The following ACD variants were observed in gnomAD, a reference collection of about 807,000 sequenced individuals.
ACD encodes the protein ACD shelterin complex subunit and telomerase recruitment factor.
In ACD, 39 loss-of-function variants were observed where a neutral mutation model predicts 53.9. The ratio of observed to expected loss-of-function variants is 0.72; its 90% confidence interval spans 0.56 to 0.95. ACD has a LOEUF of 0.95. Among genes scored for constraint, ACD ranks in the 40% least tolerant of loss-of-function variants. The pLI, the probability that ACD is intolerant of heterozygous loss-of-function variation, is 0.00. For missense variants in ACD, 526 were observed against 587.9 expected (o/e 0.89, Z 1.09); for synonymous variants, 273 against 249.2 (o/e 1.10, Z -0.90).
Position 67,658,569 on chromosome 16 carries a change from G to A in ACD, c.815C>T (p.Ser272Leu). 1.3e-6 allele frequency: 2 copies of A among 1,567,666 alleles called. No individual in the cohort carries two copies. The highest frequency in any genetic ancestry group is 1.7e-6 in the Non-Finnish European group (2 of 1,155,308). Residue 272 changes from serine (S) to leucine (L), a missense_variant, in exon 9 of 12, where the codon TCA becomes TTA. Coordinates refer to ENST00000620761, the MANE Select transcript of ACD (RefSeq NM_001082486.2). ...SLTLIASPPS[S>L]PSSSGTPALP... is the part of the protein sequence containing the mutation. ...CATCACCTCACCTGAGGAACTGGGT[G>A]AGGAAGGAGGAGAGGCTATGAGGGT...
intron 5 of ACD, 47 bp downstream of exon 5, chr16:67,659,328 C>A (rs751391813): frequency 6.2e-7 from 1 of 1,614,080 alleles, no homozygotes; most frequent in South Asian, 1.1e-5. Context: ...GATACACCAT[C>A]CCCTCACCAA....
At position 67,659,923 on chromosome 16, in the gene ACD, C is replaced by A; in HGVS notation, c.222G>T (p.Glu74Asp). ...THSVRCLVTR[E>D]ALDTSDWEEK... Reference sequence around the variant, plus strand: ...CTCACCAGTCCGAGGTGTCCAGGGCCTCCCGCGTCACCAGGCATCGGACAC... The same window carrying A: ...CTCACCAGTCCGAGGTGTCCAGGGCATCCCGCGTCACCAGGCATCGGACAC... Residue 74 changes from glutamate (E) to aspartate (D), a missense_variant, in exon 2 of 12, where the codon GAG (glutamate) becomes GAT (aspartate). Physicochemically the swap from Glu to Asp is conservative, Grantham distance 45. Transcript: ENST00000620761. The A allele has an allele frequency of 6.2e-7, 1 of 1,603,494 alleles. No homozygotes were observed. The highest frequency in any genetic ancestry group is 1.1e-5 in the South Asian group (1 of 90,482).
chr16:67,657,553 TAAA>T lies in ACD; in HGVS notation c.*50_*52del. On this transcript the variant is annotated 3_prime_UTR_variant, in exon 12 of 12. Transcript: ENST00000620761. This position sits in a 1 kb window ranked among gnomAD's most constrained non-coding sequence, Gnocchi z 4.5. ...CTCCTGCCGCATGAGATTATTTTATTAAAAAACTCAAAGGAAGCAGAGTGTGGA... is the reference window on the plus strand; with the variant it reads ...CTCCTGCCGCATGAGATTATTTTATTAAACTCAAAGGAAGCAGAGTGTGGA... 14 of 1,613,740 alleles carry T rather than the reference TAAA, an allele frequency of 8.7e-6. No homozygotes were observed. The highest frequency in any genetic ancestry group is 1.2e-5 in the Non-Finnish European group (14 of 1,179,744).
In ACD at chr16:67,659,798, G is replaced by C. The variant is rs1438666863; in HGVS notation, c.243-3C>G. On this transcript the variant is annotated splice_region_variant and splice_polypyrimidine_tract_variant and intron_variant, in intron 2 of 11. Transcript: ENST00000620761. Reference sequence around the variant, plus strand: ...GGAAGCCGAACTCCTTCTCCTCCCTGCAACAAGCAGGATCCTCACTGCCGG... The same window carrying C: ...GGAAGCCGAACTCCTTCTCCTCCCTCCAACAAGCAGGATCCTCACTGCCGG... The C allele has an allele frequency of 6.2e-7, 1 of 1,603,038 alleles. No homozygotes were observed. Among genetic ancestry groups the C allele is most frequent in the Non-Finnish European group, 8.5e-7 (1 of 1,172,446 alleles).
At position 67,659,798 on chromosome 16, in the gene ACD, G is replaced by A. The variant is rs1438666863; in HGVS notation, c.243-3C>T. 6.2e-6 allele frequency: 10 copies of A among 1,603,038 alleles called. No homozygotes were observed. Among genetic ancestry groups the A allele is most frequent in the Non-Finnish European group, 8.5e-6 (10 of 1,172,446 alleles). On this transcript the variant is annotated splice_region_variant and splice_polypyrimidine_tract_variant and intron_variant, in intron 2 of 11. Coordinates refer to ENST00000620761, the MANE Select transcript of ACD (RefSeq NM_001082486.2). ...GGAAGCCGAACTCCTTCTCCTCCCT[G>A]CAACAAGCAGGATCCTCACTGCCGG...
In ACD at chr16:67,659,231, G is replaced by A. The variant is rs377289629; in HGVS notation, c.491C>T (p.Ala164Val). The change falls in exon 6 of 12, where the codon GCA becomes GTA. Residue 164 changes from alanine to valine, a missense_variant and splice_region_variant. Ala to Val is a moderately conservative substitution (Grantham distance 64, BLOSUM62 0). Transcript: ENST00000620761. ...EHLSESTSSN[A>V]GLSLSQLLDE... The stretch of plus-strand genomic sequence containing the variant: ...TCACTGGTCAAGCTCTACAGTACCT[G>A]CATTGGACGAGGTGGACTCTGAAAG... 2 of 1,614,006 alleles carry A rather than the reference G, an allele frequency of 1.2e-6. No individual in the cohort carries two copies. The highest frequency in any genetic ancestry group is 1.7e-6 in the Non-Finnish European group (2 of 1,180,006).
In ACD at chr16:67,659,747, C is replaced by G; in HGVS notation, c.291G>C (p.Leu97=). 6.2e-7 allele frequency: 1 copy of G among 1,613,004 alleles called. No homozygotes were observed. Among genetic ancestry groups the G allele is most frequent in the Non-Finnish European group, 8.5e-7 (1 of 1,179,700 alleles). The change falls in exon 3 of 12, where the codon CTG becomes CTC. Residue 97 remains leucine, a synonymous_variant. Coordinates refer to ENST00000620761, the MANE Select transcript of ACD (RefSeq NM_001082486.2). Reference sequence around the variant, plus strand: ...GGACATGAACCCCGCAGTCCTGCAGCAGCAGCAGCCGGCCCTCTGTCCCGC... The same window carrying G: ...GGACATGAACCCCGCAGTCCTGCAGGAGCAGCAGCCGGCCCTCTGTCCCGC... ...GFRGTEGRLL[L]LQDCGVHVQV...
Position 67,660,232 on chromosome 16 carries a change from C to CA in ACD, c.-13dup, listed in dbSNP as rs775116847. ...CCCGAACCTGCCATCCCCACGGCTACACCCAGCGGATGCAACGGGCCCGGG... is the reference window on the plus strand; with the variant it reads ...CCCGAACCTGCCATCCCCACGGCTACAACCCAGCGGATGCAACGGGCCCGGG... On this transcript the variant is annotated 5_prime_UTR_variant, in exon 1 of 12. Transcript: ENST00000620761. 3.1e-6 allele frequency: 5 copies of CA among 1,612,674 alleles called. No homozygotes were observed. The South Asian group carries it at 5.5e-5, about 18-fold the overall frequency.
Position 67,658,232 on chromosome 16 carries a change from G to A in ACD, c.960C>T (p.Cys320=). The A allele has an allele frequency of 6.2e-7, 1 of 1,613,488 alleles. No homozygotes were observed. ...TGGGGGTCAGGGTGGCAGGGGCTGA[G>A]CAGATGGCTGGTGAGGGCTGGGAGC... ...RSSSQPSPAI[C]SAPATLTPRS... Residue 320 remains cysteine (C), a synonymous_variant, in exon 10 of 12, where the codon TGC becomes TGT. Coordinates refer to ENST00000620761, the MANE Select transcript of ACD (RefSeq NM_001082486.2).
rs936069041 is a variant in ACD at position 67,657,780 on chromosome 16, G to A, written c.1280C>T (p.Ala427Val). The A allele has an allele frequency of 2.5e-6, 4 of 1,614,108 alleles. No individual in the cohort carries two copies. The highest frequency in any genetic ancestry group is 1.1e-5 in the South Asian group (1 of 91,082). Residue 427 changes from alanine (A) to valine (V), a missense_variant, in exon 11 of 12, where the codon GCT (alanine) becomes GTT (valine). Coordinates refer to ENST00000620761, the MANE Select transcript of ACD (RefSeq NM_001082486.2). This position sits in a 1 kb window ranked among gnomAD's most constrained non-coding sequence, Gnocchi z 4.5. The stretch of plus-strand genomic sequence containing the variant: ...CACTCACCTGACAGCTTGGACCCGA[G>A]CACAGAGGGACGTGCAGGGTGGCTC... ...EYEPPCTSLCARVQAVRLPPQ... is the reference protein window; with the variant it reads ...EYEPPCTSLCVRVQAVRLPPQ...
rs1056901211 is a variant in ACD, at chr16:67,659,322, C to T, written c.458+53G>A. 4 of 1,613,970 alleles carry T rather than the reference C, an allele frequency of 2.5e-6. No individual in the cohort carries two copies. In the African/African-American group the frequency reaches 5.3e-5, roughly 22 times the overall value. ...ATGCTGAGGCCTGTCTACCTAGATA[C>T]ACCATCCCCTCACCAAACAACACGT... On this transcript the variant is annotated intron_variant, in intron 5 of 11. Transcript: ENST00000620761.
In ACD at chr16:67,658,013, C is replaced by G; in HGVS notation, c.1179G>C (p.Arg393Ser). ...AGACAGAGCAGGGCTCCTGGGCTCC[C>G]CTGGTAGCTCCGGTCCTGGGAAAAG... ...RPPFPRTGAT[R>S]GAQEPCSVWE... The change falls in exon 10 of 12, where the codon AGG (arginine) becomes AGC (serine). Residue 393 changes from arginine (R) to serine (S), a missense_variant. By Grantham distance (110) the Arg-to-Ser change is moderately radical. Coordinates refer to ENST00000620761, the MANE Select transcript of ACD (RefSeq NM_001082486.2). 6.4e-7 allele frequency: 1 copy of G among 1,551,258 alleles called. No individual in the cohort carries two copies. The highest frequency in any genetic ancestry group is 8.7e-7 in the Non-Finnish European group (1 of 1,148,952).
Position 67,658,205 on chromosome 16 carries a change from C to T in ACD, c.987G>A (p.Arg329=), listed in dbSNP as rs368215405. The T allele has an allele frequency of 1.9e-6, 3 of 1,612,866 alleles. No homozygotes were observed. The highest frequency in any genetic ancestry group is 2.5e-6 in the Non-Finnish European group (3 of 1,179,692). ...TGGGGGTACGGCTGGCGTGTGGGGA[C>T]CTGGGGGTCAGGGTGGCAGGGGCTG... The part of the protein sequence containing the change: ...ICSAPATLTP[R]SPHASRTPSS... The change falls in exon 10 of 12, where the codon AGG becomes AGA. Residue 329 remains arginine, a synonymous_variant. Transcript: ENST00000620761.
intron 2 of ACD, 29 bp from the exon 3 acceptor site, chr16:67,659,824 G>A: frequency 6.3e-7 from 1 of 1,593,292 alleles, no homozygotes; most frequent in East Asian, 2.2e-5. Flanking sequence ...TCACTGCCGG[G>A]CCCACCTGAA....
Position 67,660,142 on chromosome 16 carries a change from G to T in ACD, c.79C>A (p.Arg27=), listed in dbSNP as rs747830238. The T allele has an allele frequency of 6.2e-7, 1 of 1,612,426 alleles. No individual in the cohort carries two copies. The highest frequency in any genetic ancestry group is 8.5e-7 in the Non-Finnish European group (1 of 1,179,908). Reference sequence around the variant, plus strand: ...CTCACCTCAAGCAGCTGCCCGGCTCGTGGACTGGAGGGTGTCTCTGACCCC... The same window carrying T: ...CTCACCTCAAGCAGCTGCCCGGCTCTTGGACTGGAGGGTGTCTCTGACCCC... ...ILGSETPSSP[R]AGQLLEVLQD... Residue 27 remains arginine, a synonymous_variant, in exon 1 of 12, where the codon CGA becomes AGA. Coordinates refer to ENST00000620761, the MANE Select transcript of ACD (RefSeq NM_001082486.2).
chr16:67,657,829 C>G lies in ACD; in HGVS notation c.1231G>C (p.Gly411Arg), dbSNP rs2052901393. 3 of 1,614,000 alleles carry G rather than the reference C, an allele frequency of 1.9e-6. No homozygotes were observed. Among genetic ancestry groups the G allele is most frequent in the Non-Finnish European group, 1.7e-6 (2 of 1,180,044 alleles). ...TCATACTCATACTGGAAGGCAGAACCATCACGATGCCTCTTTGGGGGTTCC... is the reference window on the plus strand; with the variant it reads ...TCATACTCATACTGGAAGGCAGAACGATCACGATGCCTCTTTGGGGGTTCC... ...VWEPPKRHRD[G>R]SAFQYEYEPP... The change falls in exon 11 of 12, where the codon GGT becomes CGT. Residue 411 changes from glycine (G) to arginine (R), a missense_variant. Coordinates refer to ENST00000620761, the MANE Select transcript of ACD (RefSeq NM_001082486.2). The surrounding 1 kb of genome is among the most constrained non-coding windows in gnomAD (Gnocchi z 4.5).
rs200298308 is a variant in ACD, at chr16:67,658,330, C to T, written c.862G>A (p.Glu288Lys). 29 of 1,613,798 alleles carry T rather than the reference C, an allele frequency of 1.8e-5. No individual in the cohort carries two copies. In the East Asian group the frequency reaches 4.0e-4, roughly 22 times the overall value. The change falls in exon 10 of 12, where the codon GAG (glutamate) becomes AAG (lysine). Residue 288 changes from glutamate (E) to lysine (K), a missense_variant. By Grantham distance (56) the Glu-to-Lys change is moderately conservative (BLOSUM62 1). Transcript: ENST00000620761. ...TPALPGHMSS[E>K]ESGTSISLLP... is the part of the protein sequence containing the mutation. ...AGGCTGATGCTGGTACCACTTTCCT[C>T]GGATGACATGTGGCCGGGTAAGGCC...
At position 67,659,565 on chromosome 16, in the gene ACD, C is replaced by A. The variant is rs779507435; in HGVS notation, c.385G>T (p.Glu129Ter). Residue 129 changes from glutamate (E) to a stop codon, truncating the protein, a stop_gained, in exon 4 of 12, where the codon GAG becomes TAG. Coordinates refer to ENST00000620761, the MANE Select transcript of ACD (RefSeq NM_001082486.2). LOFTEE classifies it high-confidence loss of function. ...CCAGGCACCCGTAGCCGGGGCTGCTCCGTGGGCAGCAGGCTGAAGCGGTCC... is the reference window on the plus strand; with the variant it reads ...CCAGGCACCCGTAGCCGGGGCTGCTACGTGGGCAGCAGGCTGAAGCGGTCC... ...QVDRFSLLPT[E>*]QPRLRVPGCN... 8 of 1,613,324 alleles carry A rather than the reference C, an allele frequency of 5.0e-6. No individual in the cohort carries two copies. The African/African-American group carries it at 1.1e-4, about 22-fold the overall frequency.
At chr16:67,659,127 C>T in intron 6 of ACD, 48 bp from the exon 7 acceptor site, 3 of 1,608,508 alleles carry the variant, frequency 1.9e-6, no homozygotes, top group Non-Finnish European at 2.6e-6. Context: ...AGGGGAGGAC[C>T]AGGAGGGTGA....
Sources: gnomAD v4.1 joint callset for allele counts on GRCh38, gnomAD v4.1.1 for gene constraint, Gnocchi (gnomAD v3.1) non-coding constraint, MANE v1.5 for transcripts, NCBI Gene and HGNC (gene_info 2026-07-23, HGNC 2026-07-21) for gene names.